RB1CC1: variants seen among roughly 807,000 people sequenced by gnomAD.
The protein encoded by RB1CC1 is RB1 inducible coiled-coil 1.
RB1CC1 carries 46 observed loss-of-function variants against 177.5 expected under a neutral mutation model. The ratio of observed to expected loss-of-function variants is 0.26; its 90% CI spans 0.20 to 0.33. The LOEUF (loss-of-function observed/expected upper bound fraction) is 0.33. Ranked by LOEUF, RB1CC1 falls within the 10% of genes least tolerant of loss-of-function variation. The pLI is 1.00. For missense variants in RB1CC1, 1,703 were observed against 1,816.3 expected (o/e 0.94, Z 1.13); for synonymous variants, 666 against 613.6 (o/e 1.09, Z -1.26).
chr8:52,634,889 T>G, intron 20 of RB1CC1, 32 bp downstream of exon 20: 1 of 1,514,554 alleles, frequency 6.6e-7, no homozygotes. Context: ...TTAAAAATGT[T>G]AAGACCAATT....
At chr8:52,633,751 A>AACAT (rs1325666624) in intron 20 of RB1CC1, among the ~76,000 whole-genome samples, 1 of 152,186 alleles carries the variant, frequency 6.6e-6, no homozygotes, top group Non-Finnish European at 1.5e-5. Context: ...GGGCTGTTCA[A>AACAT]ATAATTGGTT....
intron 1 of RB1CC1, among the ~76,000 whole-genome samples, chr8:52,694,112 C>T (rs981966514): frequency 6.6e-6 from 1 of 152,108 alleles, no homozygotes; most frequent in African/African-American, 2.4e-5. Context: ...GAGTGTTTAA[C>T]ACAGACAGCT....
intron 1 of RB1CC1, among the ~76,000 whole-genome samples, chr8:52,705,127 C>T (rs927482335): frequency 6.6e-6 from 1 of 152,132 alleles, no homozygotes; most frequent in Admixed American, 6.5e-5. Context: ...CAAAACATGT[C>T]AAACATACTC....
chr8:52,693,439 T>C (rs1360977557), intron 1 of RB1CC1, among the ~76,000 whole-genome samples: 4 of 151,542 alleles, frequency 2.6e-5, no homozygotes, highest in South Asian at 2.1e-4. Context: ...AAAGAAAACA[T>C]ACATGTAGCC....
intron 1 of RB1CC1, among the ~76,000 whole-genome samples, chr8:52,701,002 AT>A (rs1483594264): frequency 6.6e-6 from 1 of 152,232 alleles, no homozygotes; most frequent in Non-Finnish European, 1.5e-5. Context: ...ATTACTAAAG[AT>A]TCTACAAGTA....
Position 52,625,692 on chromosome 8 carries a change from A to G in RB1CC1, c.4637-905T>C, listed in dbSNP as rs539085654. On this transcript the variant is annotated intron_variant, in intron 22 of 23. Transcript: ENST00000025008. ...TCAGTTGGGCAAAATCATCTAACAA[A>G]AAGCATATTTTAAAGTGTTGAATGT... Among the ~76,000 whole-genome samples, 24 of 152,328 alleles carry G rather than the reference A, an allele frequency of 1.6e-4. No individual in the cohort carries two copies. In the East Asian group the frequency reaches 4.6e-3, roughly 29 times the overall value.
chr8:52,671,865 A>T (rs1007327515), intron 7 of RB1CC1, among the ~76,000 whole-genome samples: 1 of 151,486 alleles, frequency 6.6e-6, no homozygotes, highest in African/African-American at 2.4e-5. Flanking sequence ...AGAGTAAGTA[A>T]AAAAAAAATC....
chr8:52,657,422 C>T lies in RB1CC1; in HGVS notation c.2407G>A (p.Val803Ile), dbSNP rs1487911439. The change falls in exon 15 of 24, where the codon GTT (valine) becomes ATT (isoleucine). Residue 803 changes from valine (V) to isoleucine (I), a missense_variant. Physicochemically the swap from Val to Ile is conservative, Grantham distance 29. Around this residue, in one of 6 missense-constraint regions of RB1CC1, gnomAD observed 1,169 missense variants for 1,184.7 expected, o/e 0.99. Coordinates refer to ENST00000025008, the MANE Select transcript of RB1CC1 (RefSeq NM_014781.5). ...CTGAAGTGAGAGTCTTGGGCAACAA[C>T]TCTACATCTTTCCAACTGGACATTC... ...SLNVQLERCRVVAQDSHFSIQ... is the reference protein window; with the variant it reads ...SLNVQLERCRIVAQDSHFSIQ... 4 of 1,613,870 alleles carry T rather than the reference C, an allele frequency of 2.5e-6. No individual in the cohort carries two copies. The highest frequency in any genetic ancestry group is 3.4e-6 in the Non-Finnish European group (4 of 1,180,002).
At chr8:52,654,413 G>C (rs901599522) in intron 15 of RB1CC1, among the ~76,000 whole-genome samples, 3 of 152,220 alleles carry the variant, frequency 2.0e-5, no homozygotes, top group African/African-American at 7.2e-5. Flanking sequence ...TTATTCTCCA[G>C]AGGTGGCTGT....
At chr8:52,638,895 T>C (rs1849354279) in intron 18 of RB1CC1, among the ~76,000 whole-genome samples, 1 of 152,168 alleles carries the variant, frequency 6.6e-6, no homozygotes, top group African/African-American at 2.4e-5. Context: ...TCCACTGGTT[T>C]GTTTCAAGAT....
chr8:52,683,748 C>T, intron 4 of RB1CC1, 29 bp from the exon 5 acceptor site: 1 of 1,555,290 alleles, frequency 6.4e-7, no homozygotes, highest in Non-Finnish European at 8.7e-7. Flanking sequence ...GAGAAATAAC[C>T]AAAATAAAAT....
chr8:52,628,852 T>G (rs1253163932), intron 21 of RB1CC1, among the ~76,000 whole-genome samples: 6 of 152,194 alleles, frequency 3.9e-5, no homozygotes, highest in East Asian at 1.9e-4. Flanking sequence ...AATTGGTAGA[T>G]CCTATACCTA....
chr8:52,642,900 T>C, intron 16 of RB1CC1, 88 bp from the exon 17 acceptor site: 8 of 1,314,238 alleles, frequency 6.1e-6, no homozygotes, highest in Non-Finnish European at 6.9e-6. Context: ...TTCTTTTCTG[T>C]GGCACATTTG....
intron 15 of RB1CC1, among the ~76,000 whole-genome samples, chr8:52,654,941 A>G (rs536019139): frequency 6.6e-6 from 1 of 152,186 alleles, no homozygotes; most frequent in Admixed American, 6.5e-5. Context: ...TTCAGAATTG[A>G]GCCTAGTTCT....
At position 52,658,147 on chromosome 8, in the gene RB1CC1, T is replaced by C. The variant is rs773533992; in HGVS notation, c.1794-23A>G. The C allele has an allele frequency of 2.5e-6, 4 of 1,594,864 alleles. No individual in the cohort carries two copies. The South Asian group carries it at 3.4e-5, about 14-fold the overall frequency. ...ACCCTGAAACAGAATGCAATGCAATTAGACTTCTGATTTTTTAATGAACTA... is the reference window on the plus strand; with the variant it reads ...ACCCTGAAACAGAATGCAATGCAATCAGACTTCTGATTTTTTAATGAACTA... On this transcript the variant is annotated intron_variant, in intron 13 of 23. Transcript: ENST00000025008.
chr8:52,706,184 A>T (rs1204045172), intron 1 of RB1CC1, among the ~76,000 whole-genome samples: 1 of 151,942 alleles, frequency 6.6e-6, no homozygotes, highest in East Asian at 1.9e-4. Context: ...AAAGAAATAA[A>T]GAACCTGAAT....
intron 1 of RB1CC1, among the ~76,000 whole-genome samples, chr8:52,693,484 C>T (rs1054086308): frequency 2.0e-5 from 3 of 152,034 alleles, no homozygotes; most frequent in African/African-American, 4.8e-5. Context: ...CATCAAAGAT[C>T]ATTAGAGAAA....
At chr8:52,633,925 C>T (rs886544070) in intron 20 of RB1CC1, among the ~76,000 whole-genome samples, 4 of 151,902 alleles carry the variant, frequency 2.6e-5, no homozygotes, top group Admixed American at 1.3e-4. Context: ...CCCATCTCTA[C>T]GAAAACAAAA....
chr8:52,704,735 G>A (rs1856406140), intron 1 of RB1CC1, among the ~76,000 whole-genome samples: 1 of 152,156 alleles, frequency 6.6e-6, no homozygotes, highest in Non-Finnish European at 1.5e-5. Context: ...GTTATTGCAT[G>A]TAATTGTTAA....
Sources: gnomAD v4.1 joint callset for allele counts (sites outside exome capture counted in the v4.1 genomes callset) on GRCh38, gnomAD v4.1.1 for gene constraint, gnomAD v4.1.1 regional missense constraint, MANE v1.5 for transcripts, NCBI Gene and HGNC (gene_info 2026-07-23, HGNC 2026-07-21) for gene names.